ZDHHC5: variants seen among roughly 807,000 people sequenced by gnomAD.
The protein encoded by ZDHHC5 is palmitoyltransferase ZDHHC5.
ZDHHC5 carries 22 observed loss-of-function variants against 70.0 expected under a neutral mutation model. The observed-to-expected ratio is 0.31, with a 90% confidence interval of 0.22 to 0.45. The LOEUF (loss-of-function observed/expected upper bound fraction) is 0.45, where lower values mean the gene tolerates loss of function less well. Ranked by LOEUF, ZDHHC5 falls within the 20% of genes least tolerant of loss-of-function variation. The probability of loss-of-function intolerance (pLI) is 1.00; values close to 1 mark genes in which losing one functional copy is unlikely to be tolerated. For synonymous variants in ZDHHC5, 313 were observed against 347.8 expected, an observed-to-expected ratio of 0.90 and a Z score of 1.11; for missense variants, 746 against 926.9, an observed-to-expected ratio of 0.80 and a Z score of 2.53.
In ZDHHC5 at chr11:57,693,902, TGAG is replaced by T; in HGVS notation, c.876_878del (p.Arg293del). 1 of 1,612,578 alleles carries T rather than the reference TGAG, an allele frequency of 6.2e-7. No homozygotes were observed. The highest frequency in any genetic ancestry group is 8.5e-7 in the Non-Finnish European group (1 of 1,179,576). On this transcript the variant is annotated inframe_deletion, in exon 8 of 12. Transcript: ENST00000287169. ...ATGGATAATGGCATCCAGGGAGAGC[TGAG>T]GAGAACAAAGGTGAGGAATTTAGAG... is the stretch of plus-strand genomic sequence containing the variant.
chr11:57,669,823 C>T (rs558099891), intron 1 of ZDHHC5, among the ~76,000 whole-genome samples: 1 of 152,294 alleles, frequency 6.6e-6, no homozygotes, highest in Admixed American at 6.5e-5. Context: ...CTCTGATGAA[C>T]CATACTCACC....
At position 57,690,359 on chromosome 11, in the gene ZDHHC5, C is replaced by T. The variant is rs778059172; in HGVS notation, c.582C>T (p.Gly194=). Residue 194 remains glycine (G), a synonymous_variant, in exon 6 of 12, where the codon GGC becomes GGT. Transcript: ENST00000287169. ...AVTMAVMCVA[G]LFFIPVAGLT... The stretch of plus-strand genomic sequence containing the variant: ...GAATGGCAGTAATGTGTGTGGCTGG[C>T]TTATTCTTCATCCCTGTAGCTGGCC... 1 of 1,614,148 alleles carries T rather than the reference C, an allele frequency of 6.2e-7. No homozygotes were observed. Among genetic ancestry groups the T allele is most frequent in the Non-Finnish European group, 8.5e-7 (1 of 1,180,020 alleles).
chr11:57,673,318 A>G, intron 2 of ZDHHC5, 124 bp downstream of exon 2: 1 of 794,442 alleles, frequency 1.3e-6, no homozygotes, highest in Non-Finnish European at 2.0e-6. Flanking sequence ...TGGTACAGGT[A>G]AATCCAAATC....
At chr11:57,690,558 T>C (rs1946270733) in intron 6 of ZDHHC5, 121 bp downstream of exon 6, 1 of 1,063,952 alleles carries the variant, frequency 9.4e-7, no homozygotes, top group Admixed American at 2.0e-5. Context: ...CATGATTATG[T>C]AGAGATTAAT....
intron 6 of ZDHHC5, among the ~76,000 whole-genome samples, chr11:57,691,467 G>T (rs1014247494): frequency 6.6e-6 from 1 of 152,086 alleles, no homozygotes; most frequent in East Asian, 1.9e-4. Flanking sequence ...AAAGTGCAGG[G>T]ATTACAGGCA....
At chr11:57,673,251 G>T in intron 2 of ZDHHC5, 57 bp downstream of exon 2, 1 of 1,555,026 alleles carries the variant, frequency 6.4e-7, no homozygotes, top group South Asian at 1.1e-5. Context: ...GGGAAGTGAG[G>T]AGATAACGCT....
intron 11 of ZDHHC5, 51 bp downstream of exon 11, chr11:57,699,469 G>A (rs1946411348): frequency 1.3e-6 from 2 of 1,514,104 alleles, no homozygotes; most frequent in East Asian, 2.3e-5. Context: ...TTAGCATACT[G>A]CTCTGCAAAA....
At chr11:57,699,747 T>A (rs1448479399) in intron 11 of ZDHHC5, 119 bp from the exon 12 acceptor site, 1 of 1,332,440 alleles carries the variant, frequency 7.5e-7, no homozygotes, top group African/African-American at 1.4e-5. Context: ...AATGTTTGGG[T>A]AAGAAAGTAT....
At chr11:57,683,976 T>TA (rs1946179186) in intron 3 of ZDHHC5, among the ~76,000 whole-genome samples, 1 of 150,554 alleles carries the variant, frequency 6.6e-6, no homozygotes, top group African/African-American at 2.4e-5. Context: ...TAATTAATTT[T>TA]TTTTTTTTTT....
intron 2 of ZDHHC5, among the ~76,000 whole-genome samples, chr11:57,676,605 T>G (rs369028000): frequency 1.3e-5 from 2 of 152,206 alleles, no homozygotes; most frequent in East Asian, 1.9e-4. Flanking sequence ...CCTACAGCAG[T>G]TTGTTTAAGC....
chr11:57,673,772 A>G (rs1293362111), intron 2 of ZDHHC5, among the ~76,000 whole-genome samples: 1 of 152,158 alleles, frequency 6.6e-6, no homozygotes, highest in African/African-American at 2.4e-5. Flanking sequence ...GGGTTTCACC[A>G]TATTGGCCAG....
chr11:57,678,619 C>T (rs1276203214), intron 2 of ZDHHC5, among the ~76,000 whole-genome samples: 2 of 150,272 alleles, frequency 1.3e-5, no homozygotes, highest in Non-Finnish European at 3.0e-5. Context: ...GTGGCTCACA[C>T]CTGTAATCCT....
intron 4 of ZDHHC5, among the ~76,000 whole-genome samples, chr11:57,689,314 T>G (rs995348459): frequency 1.3e-5 from 2 of 152,124 alleles, no homozygotes; most frequent in Non-Finnish European, 2.9e-5. Context: ...TTCGTCACTT[T>G]TAGAGTTCCT....
At chr11:57,679,717 G>A (rs963671710) in intron 2 of ZDHHC5, among the ~76,000 whole-genome samples, 7 of 152,204 alleles carry the variant, frequency 4.6e-5, no homozygotes, top group South Asian at 4.1e-4. Context: ...GCCACTTGGG[G>A]TGGTCACCTA....
rs755978439 is a variant in ZDHHC5 at position 57,699,437 on chromosome 11, C to G, written c.1982+19C>G. The G allele has an allele frequency of 3.9e-6, 6 of 1,530,276 alleles. No individual in the cohort carries two copies. Among genetic ancestry groups the G allele is most frequent in the Non-Finnish European group, 5.3e-6 (6 of 1,142,426 alleles). 94.8% of individuals were successfully genotyped at this position (1,530,276 alleles called of 1,614,324 possible). A position where few individuals can be genotyped will look rare whatever the true frequency, so the allele number is the denominator to read the frequency against. On this transcript the variant is annotated intron_variant, in intron 11 of 11. Transcript: ENST00000287169. Reference sequence around the variant, plus strand: ...CACCCAAGTAAGTATTAGTACTATCCTGACCCTTAGCCAATTTCAAATTAG... The same window carrying G: ...CACCCAAGTAAGTATTAGTACTATCGTGACCCTTAGCCAATTTCAAATTAG...
In ZDHHC5 at chr11:57,698,786, C is replaced by T. The variant is rs1249172363; in HGVS notation, c.1350C>T (p.Gly450=). ...LGQLQSIRSE[G]TTSTSYKSLA... is the part of the protein sequence containing the mutation. ...AGTTGCAATCCATTCGTTCAGAGGGCACCACCTCCACCTCCTATAAGAGCC... is the reference window on the plus strand; with the variant it reads ...AGTTGCAATCCATTCGTTCAGAGGGTACCACCTCCACCTCCTATAAGAGCC... The change falls in exon 11 of 12, where the codon GGC becomes GGT. Residue 450 remains glycine (G), a synonymous_variant. Coordinates refer to ENST00000287169, the MANE Select transcript of ZDHHC5 (RefSeq NM_015457.3). The T allele has an allele frequency of 6.8e-6, 11 of 1,614,218 alleles. No homozygotes were observed. The highest frequency in any genetic ancestry group is 1.6e-4 in the Middle Eastern group (1 of 6,062).
chr11:57,670,324 A>T (rs1051929461), intron 1 of ZDHHC5, among the ~76,000 whole-genome samples: 2 of 152,024 alleles, frequency 1.3e-5, no homozygotes, highest in African/African-American at 4.8e-5. Flanking sequence ...ATACAAAATT[A>T]GCTGGGTGTG....
chr11:57,677,283 A>ATTTTT (rs1170220902), intron 2 of ZDHHC5, among the ~76,000 whole-genome samples: 2 of 81,682 alleles, frequency 2.4e-5, no homozygotes, highest in Non-Finnish European at 2.3e-5. Context: ...GCTTCACGTG[A>ATTTTT]TTTTTTTTTT....
At chr11:57,684,926 C>A (rs1590863312) in intron 3 of ZDHHC5, among the ~76,000 whole-genome samples, 1 of 152,164 alleles carries the variant, frequency 6.6e-6, no homozygotes, top group East Asian at 1.9e-4. Context: ...GTGGGCAGAT[C>A]ACCTGAGGTC....
Sources: gnomAD v4.1 joint callset for allele counts (sites outside exome capture counted in the v4.1 genomes callset) on GRCh38, gnomAD v4.1.1 for gene constraint, MANE v1.5 for transcripts, NCBI Gene and HGNC (gene_info 2026-07-23, HGNC 2026-07-21) for gene names.